Variants in FAM168B observed in about 807,000 individuals in gnomAD.
FAM168B encodes the protein myelin-associated neurite-outgrowth inhibitor.
Under a neutral mutation model 21.8 loss-of-function variants are expected in FAM168B, and 19 were observed. That is an observed-to-expected ratio of 0.87 (90% CI 0.61 to 1.28). FAM168B has a LOEUF of 1.28. Ranked by LOEUF, FAM168B falls within the 50% of genes most tolerant of loss-of-function variation. FAM168B has a pLI of 0.00. For missense variants in FAM168B, 233 were observed against 263.1 expected (o/e 0.89, Z 0.79); for synonymous variants, 126 against 104.8 (o/e 1.20, Z -1.24).
At chr2:131,062,074 G>T (rs560407325) in intron 3 of FAM168B, among the ~76,000 whole-genome samples, 5 of 152,160 alleles carry the variant, frequency 3.3e-5, no homozygotes, top group Non-Finnish European at 5.9e-5. Context: ...ATAAACCCAC[G>T]ACCCACATCC....
intron 2 of FAM168B, among the ~76,000 whole-genome samples, chr2:131,075,778 G>A (rs1035503810): frequency 2.0e-5 from 3 of 151,968 alleles, no homozygotes; most frequent in African/African-American, 4.8e-5. Context: ...ACGAGCCACC[G>A]CGCCCGGCCC....
At chr2:131,064,935 T>C (rs560321862) in intron 3 of FAM168B, among the ~76,000 whole-genome samples, 1 of 152,154 alleles carries the variant, frequency 6.6e-6, no homozygotes, top group Non-Finnish European at 1.5e-5. Context: ...AGAAACCTAA[T>C]CAAAGACACC....
In FAM168B at chr2:131,050,055, A is replaced by C. The variant is rs762008811; in HGVS notation, c.*2410T>G. 19 of 985,372 alleles carry C rather than the reference A, an allele frequency of 1.9e-5. No individual in the cohort carries two copies. Among genetic ancestry groups the C allele is most frequent in the Non-Finnish European group, 2.2e-5 (18 of 829,950 alleles). 61.0% of individuals were successfully genotyped at this position (985,372 alleles called of 1,614,324 possible). A position where few individuals can be genotyped will look rare whatever the true frequency, so the allele number is the denominator to read the frequency against. On this transcript the variant is annotated 3_prime_UTR_variant, in exon 7 of 7. Transcript: ENST00000389915. ...GCAAACTTATTTCATAAAGCCTCTCAACTTCATAAAAGGGAAAAAAGGTTA... is the reference window on the plus strand; with the variant it reads ...GCAAACTTATTTCATAAAGCCTCTCCACTTCATAAAAGGGAAAAAAGGTTA...
At chr2:131,067,243 T>C (rs1692611892) in intron 3 of FAM168B, among the ~76,000 whole-genome samples, 1 of 152,152 alleles carries the variant, frequency 6.6e-6, no homozygotes, top group Non-Finnish European at 1.5e-5. Flanking sequence ...TGACACCTTC[T>C]CCATTCCCAG....
chr2:131,048,664 A>G lies in FAM168B; in HGVS notation c.*3801T>C. 1 of 1,003,720 alleles carries G rather than the reference A, an allele frequency of 1.0e-6. No homozygotes were observed. Among genetic ancestry groups the G allele is most frequent in the Non-Finnish European group, 1.2e-6 (1 of 840,694 alleles). The allele number at this position is 1,003,720 out of a possible 1,614,324, so 62.2% of individuals were successfully genotyped here. ...ACTGATAAAGCATGTCCTCTGCAGT[A>G]TACTCAAGAGTCTGCTGCCCTTCAG... On this transcript the variant is annotated 3_prime_UTR_variant, in exon 7 of 7. Transcript: ENST00000389915.
intron 3 of FAM168B, among the ~76,000 whole-genome samples, chr2:131,057,758 T>C (rs1692099399): frequency 2.0e-5 from 3 of 152,160 alleles, no homozygotes; most frequent in Admixed American, 1.3e-4. Context: ...AAAATAGTAA[T>C]AATAATTAAA....
rs760119356 is a variant in FAM168B, at chr2:131,049,091, G to A, written c.*3374C>T. On this transcript the variant is annotated 3_prime_UTR_variant, in exon 7 of 7. Transcript: ENST00000389915. ...CACCAGCACTCACTGGCACTCACAG[G>A]TGCCTTACATACCTTACGGGGGCCA... 169 of 985,356 alleles carry A rather than the reference G, an allele frequency of 1.7e-4. No homozygotes were observed. The highest frequency in any genetic ancestry group is 1.9e-4 in the Non-Finnish European group (159 of 829,918). 61.0% of individuals were successfully genotyped at this position (985,356 alleles called of 1,614,324 possible).
chr2:131,057,348 G>GA (rs1234543529), intron 3 of FAM168B, among the ~76,000 whole-genome samples: 3 of 152,086 alleles, frequency 2.0e-5, no homozygotes, highest in Non-Finnish European at 4.4e-5. Context: ...CAATCAAAAG[G>GA]AAAAAACATG....
At position 131,048,666 on chromosome 2, in the gene FAM168B, A is replaced by G. The variant is rs977674371; in HGVS notation, c.*3799T>C. On this transcript the variant is annotated 3_prime_UTR_variant, in exon 7 of 7. Coordinates refer to ENST00000389915, the MANE Select transcript of FAM168B (RefSeq NM_001009993.4). ...TGATAAAGCATGTCCTCTGCAGTAT[A>G]CTCAAGAGTCTGCTGCCCTTCAGAA... The G allele has an allele frequency of 1.0e-6, 1 of 994,708 alleles. No individual in the cohort carries two copies. The highest frequency in any genetic ancestry group is 1.7e-5 in the African/African-American group (1 of 57,520). The allele number at this position is 994,708 out of a possible 1,614,324, so 61.6% of individuals were successfully genotyped here. A position where few individuals can be genotyped will look rare whatever the true frequency, so the allele number is the denominator to read the frequency against.
Position 131,093,430 on chromosome 2 carries a change from C to G in FAM168B, c.-228G>C, listed in dbSNP as rs1278056042. The G allele has an allele frequency of 6.6e-6, 1 of 151,364 alleles. No individual in the cohort carries two copies. Among genetic ancestry groups the G allele is most frequent in the East Asian group, 1.9e-4 (1 of 5,144 alleles). 9.4% of individuals were successfully genotyped at this position (151,364 alleles called of 1,614,324 possible). On this transcript the variant is annotated 5_prime_UTR_variant, in exon 1 of 7. Transcript: ENST00000389915. ...GCCTCTCCGCAGCCCGCGCTCCCCG[C>G]CGACGCTGCGCAGCCACCGGAGCCG...
Position 131,050,611 on chromosome 2 carries a change from TC to T in FAM168B, c.*1853del, listed in dbSNP as rs1400040651. 1.0e-6 allele frequency: 1 copy of T among 985,442 alleles called. No individual in the cohort carries two copies. Among genetic ancestry groups the T allele is most frequent in the African/African-American group, 1.7e-5 (1 of 57,238 alleles). 61.0% of individuals were successfully genotyped at this position (985,442 alleles called of 1,614,324 possible). A position where few individuals can be genotyped will look rare whatever the true frequency, so the allele number is the denominator to read the frequency against. On this transcript the variant is annotated 3_prime_UTR_variant, in exon 7 of 7. Transcript: ENST00000389915. ...ATAAAGAATCTGCTGTTTACAATGA[TC>T]CATGCAAAAATATTCCTAAACTTCT...
At chr2:131,079,889 G>A (rs1219721084) in intron 2 of FAM168B, among the ~76,000 whole-genome samples, 1 of 152,044 alleles carries the variant, frequency 6.6e-6, no homozygotes, top group Non-Finnish European at 1.5e-5. Flanking sequence ...GGCCGAGGTG[G>A]GAGGATCACC....
rs999656976 is a variant in FAM168B at position 131,052,046 on chromosome 2, T to C, written c.*419A>G. 8.1e-6 allele frequency: 8 copies of C among 985,662 alleles called. No individual in the cohort carries two copies. In the African/African-American group the frequency reaches 1.4e-4, roughly 17 times the overall value. 61.1% of individuals were successfully genotyped at this position (985,662 alleles called of 1,614,324 possible). A position where few individuals can be genotyped will look rare whatever the true frequency, so the allele number is the denominator to read the frequency against. ...TATAACTGTAAGACTTTGCATACAT[T>C]ACAACAGTGCATTAGTGATACAAGT... On this transcript the variant is annotated 3_prime_UTR_variant, in exon 7 of 7. Coordinates refer to ENST00000389915, the MANE Select transcript of FAM168B (RefSeq NM_001009993.4).
At chr2:131,083,737 C>T (rs1693536638) in intron 1 of FAM168B, among the ~76,000 whole-genome samples, 1 of 151,980 alleles carries the variant, frequency 6.6e-6, no homozygotes, top group Non-Finnish European at 1.5e-5. Flanking sequence ...CAGTATGATC[C>T]CATATAAACA....
rs1466553476 is a variant in FAM168B, at chr2:131,055,714, T to C, written c.155-19A>G. 3 of 1,611,644 alleles carry C rather than the reference T, an allele frequency of 1.9e-6. No individual in the cohort carries two copies. In the South Asian group the frequency reaches 3.3e-5, roughly 18 times the overall value. On this transcript the variant is annotated intron_variant, in intron 3 of 6. Coordinates refer to ENST00000389915, the MANE Select transcript of FAM168B (RefSeq NM_001009993.4). The stretch of plus-strand genomic sequence containing the variant: ...GTGTAACCTGGAACAAAGAAGGCAA[T>C]GGCCTGAGTTCACCCAAGCCGGTCC...
chr2:131,055,854 A>G (rs1362689905), intron 3 of FAM168B, among the ~76,000 whole-genome samples, 159 bp from the exon 4 acceptor site: 1 of 152,118 alleles, frequency 6.6e-6, no homozygotes, highest in Non-Finnish European at 1.5e-5. Context: ...ATCTGACTTC[A>G]TTCTTACTTT....
intron 2 of FAM168B, among the ~76,000 whole-genome samples, chr2:131,079,988 G>A (rs1190825735): frequency 6.6e-6 from 1 of 151,800 alleles, no homozygotes; most frequent in African/African-American, 2.4e-5. Flanking sequence ...ATGGTGGCAG[G>A]CGCCTGTAAT....
intron 3 of FAM168B, among the ~76,000 whole-genome samples, chr2:131,062,134 C>CT (rs1692334347): frequency 6.6e-6 from 1 of 152,196 alleles, no homozygotes; most frequent in Admixed American, 6.5e-5. Context: ...ACTCTTCAAA[C>CT]TGCAGAAAGA....
rs1026024311 is a variant in FAM168B, at chr2:131,055,667, C to A, written c.183G>T (p.Val61=). The change falls in exon 4 of 7, where the codon GTG becomes GTT. Residue 61 remains valine, a synonymous_variant. Coordinates refer to ENST00000389915, the MANE Select transcript of FAM168B (RefSeq NM_001009993.4). ...CAGCCCCGCTGGTGGGGGAACAGGA[C>A]ACTTTGTAAGGTGTGCCAGGAGTGT... The part of the protein sequence containing the change: ...TGYTPGTPYK[V]SCSPTSGAVP... 17 of 1,613,672 alleles carry A rather than the reference C, an allele frequency of 1.1e-5. No individual in the cohort carries two copies. In the East Asian group the frequency reaches 3.6e-4, roughly 34 times the overall value.
Sources: allele counts gnomAD v4.1 joint callset (sites outside exome capture counted in the v4.1 genomes callset), GRCh38; gene constraint gnomAD v4.1.1; transcripts MANE v1.5; gene names NCBI Gene and HGNC (gene_info 2026-07-23, HGNC 2026-07-21).